Variants in VWA8 observed in about 807,000 individuals in gnomAD.
The protein encoded by VWA8 is von Willebrand factor A domain-containing protein 8.
VWA8 carries 221 observed loss-of-function variants against 241.5 expected under a neutral mutation model. That is an observed-to-expected ratio of 0.91 (90% CI 0.82 to 1.02). VWA8 has a LOEUF of 1.02. Among genes scored for constraint, VWA8 ranks in the 50% least tolerant of loss-of-function variants. The pLI is 0.00. For synonymous variants in VWA8, 852 were observed against 827.1 expected, an observed-to-expected ratio of 1.03 and a Z score of -0.52; for missense variants, 2,322 against 2,328.7, an observed-to-expected ratio of 1.00 and a Z score of 0.06.
chr13:41,635,346 A>G (rs1210824869), intron 37 of VWA8, among the ~76,000 whole-genome samples: 1 of 152,190 alleles, frequency 6.6e-6, no homozygotes. Flanking sequence ...AAACATGAGT[A>G]TGCTATTTAG....
chr13:41,796,543 T>C (rs1421474044), intron 17 of VWA8, among the ~76,000 whole-genome samples: 1 of 152,182 alleles, frequency 6.6e-6, no homozygotes. Context: ...TCTTCCTCTC[T>C]TTTACACTAA....
intron 18 of VWA8, among the ~76,000 whole-genome samples, chr13:41,786,039 G>A (rs576691036): frequency 1.3e-5 from 2 of 152,204 alleles, no homozygotes; most frequent in African/African-American, 4.8e-5. Flanking sequence ...GGTGATGCTA[G>A]CACTTCTGTG....
intron 9 of VWA8, among the ~76,000 whole-genome samples, chr13:41,882,015 G>C (rs1432507598): frequency 1.3e-5 from 2 of 149,750 alleles, no homozygotes; most frequent in Non-Finnish European, 3.0e-5. Context: ...AGATGGGGCG[G>C]CTTCCGGGCG....
chr13:41,864,852 G>A (rs1168077471), intron 12 of VWA8, among the ~76,000 whole-genome samples: 2 of 152,050 alleles, frequency 1.3e-5, no homozygotes, highest in Non-Finnish European at 2.9e-5. Flanking sequence ...GCTAGTCATG[G>A]TGACAGGCGC....
intron 9 of VWA8, among the ~76,000 whole-genome samples, chr13:41,882,742 G>C (rs938000469): frequency 6.6e-6 from 1 of 150,614 alleles, no homozygotes; most frequent in South Asian, 2.1e-4. Flanking sequence ...GCAGTGAGCC[G>C]AGATGGCAGC....
intron 9 of VWA8, 21 bp from the exon 10 acceptor site, chr13:41,868,498 C>A (rs1015079391): frequency 1.9e-6 from 3 of 1,604,978 alleles, no homozygotes; most frequent in Non-Finnish European, 2.6e-6. Flanking sequence ...ACAAGAAAAT[C>A]ATGCAATTTA....
chr13:41,816,797 G>C, intron 15 of VWA8, 22 bp from the exon 16 acceptor site: 1 of 1,560,704 alleles, frequency 6.4e-7, no homozygotes, highest in Non-Finnish European at 8.8e-7. Context: ...AAGAGTTGAG[G>C]ACAAACAGAA....
chr13:41,615,147 G>GAA, intron 37 of VWA8, 63 bp from the exon 38 acceptor site: 2 of 1,519,230 alleles, frequency 1.3e-6, no homozygotes, highest in Non-Finnish European at 9.0e-7. Flanking sequence ...CTGCATGACA[G>GAA]AAAAAAAAAT....
At chr13:41,768,865 T>C (rs998965125) in intron 20 of VWA8, among the ~76,000 whole-genome samples, 2 of 152,148 alleles carry the variant, frequency 1.3e-5, no homozygotes, top group African/African-American at 4.8e-5. Context: ...AGGCTTTGTT[T>C]TGATGCTGAC....
intron 43 of VWA8, among the ~76,000 whole-genome samples, chr13:41,573,592 T>C (rs1337496178): frequency 7.0e-6 from 1 of 142,088 alleles, no homozygotes; most frequent in Non-Finnish European, 1.5e-5. Flanking sequence ...AAAATATATA[T>C]ACACCTCTAT....
chr13:41,743,769 C>G (rs1162719680), intron 21 of VWA8, among the ~76,000 whole-genome samples: 1 of 152,194 alleles, frequency 6.6e-6, no homozygotes, highest in Non-Finnish European at 1.5e-5. Flanking sequence ...CTTCTCACCA[C>G]TAGAAAGAAA....
rs182422382 is a variant in VWA8 at position 41,900,710 on chromosome 13, C to T, written c.483+6876G>A. 2.8e-4 allele frequency among the ~76,000 whole-genome samples: 42 copies of T among 152,176 alleles called. No homozygotes were observed. In the East Asian group the frequency reaches 7.9e-3, roughly 29 times the overall value. On this transcript the variant is annotated intron_variant, in intron 4 of 44. Transcript: ENST00000379310. The stretch of plus-strand genomic sequence containing the variant: ...TACTGCAAAAAAAAATTTAAAGTAA[C>T]TGAACCTACTAAAATATAAACTATT...
intron 27 of VWA8, 73 bp downstream of exon 27, chr13:41,703,230 A>T: frequency 1.7e-6 from 2 of 1,168,662 alleles, no homozygotes; most frequent in Non-Finnish European, 1.3e-6. Context: ...AGATTGTTTG[A>T]ATTATCTCCA....
At chr13:41,901,889 A>AATATAT (rs869081141) in intron 4 of VWA8, among the ~76,000 whole-genome samples, 40 of 83,326 alleles carry the variant, frequency 4.8e-4, no homozygotes, top group Non-Finnish European at 6.1e-4. Flanking sequence ...AAAAAAAAAA[A>AATATAT]ATATATATAT....
At chr13:41,727,103 CAT>C (rs2045441741) in intron 24 of VWA8, 89 bp downstream of exon 24, 1 of 1,008,284 alleles carries the variant, frequency 9.9e-7, no homozygotes, top group Non-Finnish European at 1.4e-6. Context: ...TGGCACAGCA[CAT>C]GATAAGCATT....
At chr13:41,783,674 T>C (rs1248931792) in intron 19 of VWA8, 121 bp downstream of exon 19, 3 of 693,402 alleles carry the variant, frequency 4.3e-6, no homozygotes, top group African/African-American at 1.9e-5. Context: ...ACACTTCATT[T>C]TGCATCATCT....
At chr13:41,596,710 T>C (rs1335617788) in intron 40 of VWA8, among the ~76,000 whole-genome samples, 1 of 150,800 alleles carries the variant, frequency 6.6e-6, no homozygotes, top group Admixed American at 6.6e-5. Context: ...CAAAGAATAC[T>C]TAGACTCACT....
rs544931065 is a variant in VWA8 at position 41,787,794 on chromosome 13, T to C, written c.2064-251A>G. On this transcript the variant is annotated intron_variant, in intron 17 of 44. Transcript: ENST00000379310. The stretch of plus-strand genomic sequence containing the variant: ...AAAACTTATTTGTAATTAGCAGTAC[T>C]GATTTATGTACAACACTTTGCAAAA... Among the ~76,000 whole-genome samples, 5 of 152,320 alleles carry C rather than the reference T, an allele frequency of 3.3e-5. No individual in the cohort carries two copies. The East Asian group carries it at 9.6e-4, about 29-fold the overall frequency.
chr13:41,642,372 T>G (rs9532904), intron 37 of VWA8, among the ~76,000 whole-genome samples: 3 of 151,818 alleles, frequency 2.0e-5, no homozygotes, highest in Non-Finnish European at 2.9e-5. Context: ...AGCCTGGCCA[T>G]CATAGTGAAA....
Sources: gnomAD v4.1 joint callset for allele counts (sites outside exome capture counted in the v4.1 genomes callset) on GRCh38, gnomAD v4.1.1 for gene constraint, MANE v1.5 for transcripts, NCBI Gene and HGNC (gene_info 2026-07-23, HGNC 2026-07-21) for gene names.